CRPPA: variants seen among roughly 807,000 people sequenced by gnomAD.
CRPPA encodes D-ribitol-5-phosphate cytidylyltransferase.
Under a neutral mutation model 52.0 loss-of-function variants are expected in CRPPA, and 43 were observed. The observed-to-expected ratio is 0.83, with a 90% CI of 0.65 to 1.07. The LOEUF (loss-of-function observed/expected upper bound fraction) is 1.07, where lower values mean the gene tolerates loss of function less well. Ranked by LOEUF, CRPPA falls within the 50% of genes least tolerant of loss-of-function variation. The probability of loss-of-function intolerance (pLI) is 0.00; values close to 1 mark genes in which losing one functional copy is unlikely to be tolerated. For synonymous variants in CRPPA, 250 were observed against 203.5 expected, an observed-to-expected ratio of 1.23 and a Z score of -1.94; for missense variants, 629 against 551.7, an observed-to-expected ratio of 1.14 and a Z score of -1.40.
At chr7:16,381,884 T>C in intron 2 of CRPPA, among the ~76,000 whole-genome samples, 1 of 152,164 alleles carries the variant, frequency 6.6e-6, no homozygotes. Flanking sequence ...CCTATGTGTG[T>C]CTCTGCACAT....
At chr7:16,342,500 T>G (rs1433740735) in intron 3 of CRPPA, among the ~76,000 whole-genome samples, 1 of 151,980 alleles carries the variant, frequency 6.6e-6, no homozygotes, top group South Asian at 2.1e-4. Context: ...TATTTAGTAC[T>G]GAAATATAAT....
intron 9 of CRPPA, among the ~76,000 whole-genome samples, chr7:16,148,850 C>T (rs1316219736): frequency 6.6e-6 from 1 of 152,054 alleles, no homozygotes; most frequent in African/African-American, 2.4e-5. Context: ...AGATAAAAGG[C>T]TGAGCTGATG....
At chr7:16,372,803 T>A (rs553014985) in intron 3 of CRPPA, among the ~76,000 whole-genome samples, 1 of 152,150 alleles carries the variant, frequency 6.6e-6, no homozygotes, top group East Asian at 1.9e-4. Flanking sequence ...ACCTAACACA[T>A]AAGGACTCTC....
intron 3 of CRPPA, among the ~76,000 whole-genome samples, chr7:16,312,861 T>C (rs1056689400): frequency 3.3e-5 from 5 of 152,102 alleles, no homozygotes; most frequent in Admixed American, 6.6e-5. Flanking sequence ...TTCTGCCTAT[T>C]GATGTGATGA....
chr7:16,174,753 A>T (rs1781260149), intron 9 of CRPPA, among the ~76,000 whole-genome samples: 1 of 152,206 alleles, frequency 6.6e-6, no homozygotes, highest in Non-Finnish European at 1.5e-5. Context: ...TGTAAAGATA[A>T]GTCAATGGAT....
At chr7:16,288,448 A>T (rs1415850012) in intron 5 of CRPPA, among the ~76,000 whole-genome samples, 3 of 152,164 alleles carry the variant, frequency 2.0e-5, no homozygotes, top group Admixed American at 6.6e-5. Context: ...CTTTATTAGG[A>T]TGTAACATAA....
At chr7:16,114,069 T>C (rs2128367826) in intron 9 of CRPPA, among the ~76,000 whole-genome samples, 2 of 152,042 alleles carry the variant, frequency 1.3e-5, no homozygotes, top group East Asian at 3.9e-4. Flanking sequence ...CTAAGATTCA[T>C]AAAAGTGTTG....
chr7:16,272,707 A>G (rs1401047248), intron 6 of CRPPA, among the ~76,000 whole-genome samples: 1 of 152,222 alleles, frequency 6.6e-6, no homozygotes, highest in Non-Finnish European at 1.5e-5. Flanking sequence ...TCTTTCAGAC[A>G]TTAGGTATTA....
At position 16,243,306 on chromosome 7, in the gene CRPPA, T is replaced by G. The variant is rs1341351730; in HGVS notation, c.1119+15084A>C. ...CCCAGCCATGTGGAACTGTGAGAAT[T>G]AAACCTCCTTTGTTTACAGGTTGTC... On this transcript the variant is annotated intron_variant, in intron 8 of 9. Transcript: ENST00000407010. Among the ~76,000 whole-genome samples the G allele has an allele frequency of 3.3e-5, 5 of 152,220 alleles. No individual in the cohort carries two copies. In the East Asian group the frequency reaches 9.6e-4, roughly 29 times the overall value.
chr7:16,214,782 A>T (rs1052415058), intron 9 of CRPPA, among the ~76,000 whole-genome samples: 1 of 152,196 alleles, frequency 6.6e-6, no homozygotes, highest in Non-Finnish European at 1.5e-5. Flanking sequence ...AAGTGTTAGG[A>T]TTACAGGCGT....
intron 3 of CRPPA, among the ~76,000 whole-genome samples, chr7:16,339,739 A>C (rs1458838396): frequency 6.6e-6 from 1 of 152,228 alleles, no homozygotes; most frequent in Non-Finnish European, 1.5e-5. Context: ...ATTGGAAAGA[A>C]GTAAACTCAT....
At chr7:16,141,007 A>G (rs1049463640) in intron 9 of CRPPA, among the ~76,000 whole-genome samples, 1 of 152,144 alleles carries the variant, frequency 6.6e-6, no homozygotes, top group African/African-American at 2.4e-5. Flanking sequence ...AACCTTGCCT[A>G]GAGTAAACCT....
chr7:16,159,418 A>G (rs1583397824), intron 9 of CRPPA, among the ~76,000 whole-genome samples: 1 of 151,714 alleles, frequency 6.6e-6, no homozygotes, highest in Admixed American at 6.6e-5. Context: ...TCATTGTTCA[A>G]CTCCCACTTA....
At chr7:16,164,934 T>G (rs1781018073) in intron 9 of CRPPA, among the ~76,000 whole-genome samples, 1 of 151,738 alleles carries the variant, frequency 6.6e-6, no homozygotes. Flanking sequence ...CTGTAGGAGG[T>G]GTATGTCGAC....
At chr7:16,181,590 T>A (rs1453283525) in intron 9 of CRPPA, among the ~76,000 whole-genome samples, 2 of 152,020 alleles carry the variant, frequency 1.3e-5, no homozygotes, top group Non-Finnish European at 1.5e-5. Flanking sequence ...AATTGATTAT[T>A]TTCATTGCTA....
chr7:16,378,306 T>C (rs36199445), intron 2 of CRPPA, among the ~76,000 whole-genome samples: 64,571 of 130,314 alleles, frequency 0.5, 16,638 homozygotes, highest in African/African-American at 0.68. Context: ...TTCCCCTTCC[T>C]GTGTCCATGT....
At chr7:16,233,086 A>G (rs1782850547) in intron 8 of CRPPA, among the ~76,000 whole-genome samples, 1 of 152,104 alleles carries the variant, frequency 6.6e-6, no homozygotes, top group Non-Finnish European at 1.5e-5. Context: ...AGAAAATTTG[A>G]TATTAAAGAT....
intron 9 of CRPPA, among the ~76,000 whole-genome samples, chr7:16,114,119 G>T (rs1397871543): frequency 1.3e-5 from 2 of 151,640 alleles, no homozygotes; most frequent in Non-Finnish European, 2.9e-5. Flanking sequence ...AAATAAATGG[G>T]CAAAGAAAAA....
At chr7:16,117,645 A>C (rs1273269629) in intron 9 of CRPPA, among the ~76,000 whole-genome samples, 1 of 152,200 alleles carries the variant, frequency 6.6e-6, no homozygotes, top group African/African-American at 2.4e-5. Context: ...TGGCTTTGGC[A>C]GCTTCACAAC....
Sources: gnomAD v4.1 joint callset for allele counts (sites outside exome capture counted in the v4.1 genomes callset) on GRCh38, gnomAD v4.1.1 for gene constraint, MANE v1.5 for transcripts, NCBI Gene and HGNC (gene_info 2026-07-23, HGNC 2026-07-21) for gene names.